The following ZNF536 variants were observed in gnomAD, a reference collection of about 807,000 sequenced individuals.
ZNF536 encodes zinc finger protein 536.
In ZNF536, 13 loss-of-function variants were observed where a neutral mutation model predicts 84.5. That is an observed-to-expected ratio of 0.15 (90% CI 0.10 to 0.24). The LOEUF is 0.24. Ranked by LOEUF, ZNF536 falls within the 10% of genes least tolerant of loss-of-function variation. ZNF536 has a pLI of 1.00. For synonymous variants in ZNF536, 811 were observed against 742.5 expected (o/e 1.09, Z -1.50); for missense variants, 1,536 against 1,747.5 (o/e 0.88, Z 2.16).
Position 30,466,584 on chromosome 19 carries a change from A to AAGAAAGAGAGAG in ZNF536, c.2170+20855_2170+20856insAAGAGAGAGAGA, listed in dbSNP as rs1555775076. Reference sequence around the variant, plus strand: ...TTAGAAAGAAAGAAAGAAAGAAAGAAAGAGAGAGAGAGAGAGAGAAAGAAA... The same window carrying AAGAAAGAGAGAG: ...TTAGAAAGAAAGAAAGAAAGAAAGAAAGAAAGAGAGAGAGAGAGAGAGAGAGAGAGAAAGAAA... On this transcript the variant is annotated intron_variant, in intron 2 of 4. Coordinates refer to ENST00000355537, the MANE Select transcript of ZNF536 (RefSeq NM_014717.3). Among the ~76,000 whole-genome samples, 73 of 144,456 alleles carry AAGAAAGAGAGAG rather than the reference A, an allele frequency of 5.1e-4. 1 individual carries two copies. Among genetic ancestry groups the AAGAAAGAGAGAG allele is most frequent in the South Asian group, 3.9e-3 (17 of 4,400 alleles). 94.8% of individuals were successfully genotyped at this position (144,456 alleles called of 152,430 possible).
At chr19:30,594,472 C>T (rs142001546) in intron 1 of ZNF536, among the ~76,000 whole-genome samples, 41 of 152,302 alleles carry the variant, frequency 2.7e-4, no homozygotes, top group Admixed American at 4.6e-4. Flanking sequence ...ACCTGCCTGC[C>T]GCCTTTCTCC....
At chr19:30,576,582 T>C (rs1402545310) in intron 1 of ZNF536, among the ~76,000 whole-genome samples, 1 of 152,234 alleles carries the variant, frequency 6.6e-6, no homozygotes, top group Non-Finnish European at 1.5e-5. Flanking sequence ...CGCTCATGTC[T>C]GATACTGTGG....
At chr19:30,474,333 G>C (rs62103388) in intron 2 of ZNF536, among the ~76,000 whole-genome samples, 23,863 of 150,448 alleles carry the variant, frequency 0.16, 1,943 homozygotes, top group South Asian at 0.21. Context: ...CTCTCTCTCT[G>C]TGTGTGTGTG....
chr19:30,503,305 G>GA (rs1457949565), intron 2 of ZNF536, among the ~76,000 whole-genome samples: 1 of 152,046 alleles, frequency 6.6e-6, no homozygotes, highest in Non-Finnish European at 1.5e-5. Flanking sequence ...AAATCAATAA[G>GA]AAAAAGACAA....
Position 30,710,978 on chromosome 19 carries a change from A to T in ZNF536, c.391A>T (p.Lys131Ter), listed in dbSNP as rs2052436874. Residue 131 changes from lysine (K) to a stop codon, truncating the protein, a stop_gained, in exon 2 of 2, where the codon AAG (lysine) becomes TAG (stop). Transcript: ENST00000592773. LOFTEE classifies it high-confidence loss of function. ...TGCAGACCTCACGGAAGAGGGCGGC[A>T]AGGGCCAGGAGGAGACCAACTGAGC... 1 of 152,284 alleles carries T rather than the reference A, an allele frequency of 6.6e-6. No homozygotes were observed. Among genetic ancestry groups the T allele is most frequent in the Non-Finnish European group, 1.5e-5 (1 of 68,088 alleles). 9.4% of individuals were successfully genotyped at this position (152,284 alleles called of 1,614,324 possible). A position where few individuals can be genotyped will look rare whatever the true frequency, so the allele number is the denominator to read the frequency against.
chr19:30,711,597 A>C (rs1217272736), exon 2 of ZNF536: 1 of 152,222 alleles, frequency 6.6e-6, no homozygotes, highest in Non-Finnish European at 1.5e-5. Flanking sequence ...GCCGGGGCTG[A>C]CCGGCACTGC....
intron 1 of ZNF536, among the ~76,000 whole-genome samples, chr19:30,407,850 C>T (rs913060619): frequency 2.0e-5 from 3 of 152,180 alleles, no homozygotes; most frequent in South Asian, 4.1e-4. Flanking sequence ...AATCCAGTCC[C>T]GTGGGTGGAA....
intron 1 of ZNF536, among the ~76,000 whole-genome samples, chr19:30,681,295 G>A (rs748985331): frequency 6.6e-5 from 10 of 152,140 alleles, no homozygotes; most frequent in Non-Finnish European, 1.5e-4. Flanking sequence ...AGACCTGAGC[G>A]CCAGGCCTGT....
chr19:30,292,069 C>T (rs1032230581), intron 2 of ZNF536, among the ~76,000 whole-genome samples: 3 of 152,142 alleles, frequency 2.0e-5, no homozygotes, highest in African/African-American at 7.2e-5. Context: ...ATAGTTACCA[C>T]CTGGCACTTT....
At chr19:30,480,464 C>T (rs778911187) in intron 2 of ZNF536, among the ~76,000 whole-genome samples, 23 of 152,136 alleles carry the variant, frequency 1.5e-4, no homozygotes, top group East Asian at 3.9e-4. Flanking sequence ...AACCAAACAC[C>T]GGATGTTCTC....
chr19:30,601,571 C>T (rs2047686690), intron 1 of ZNF536, among the ~76,000 whole-genome samples: 2 of 152,170 alleles, frequency 1.3e-5, no homozygotes, highest in African/African-American at 4.8e-5. Flanking sequence ...CAGAAGGAAC[C>T]TATAGATGCC....
At chr19:30,507,302 G>C (rs146824703) in intron 2 of ZNF536, among the ~76,000 whole-genome samples, 203 of 151,902 alleles carry the variant, frequency 1.3e-3, no homozygotes, top group African/African-American at 4.7e-3. Context: ...AGTGAGCCGA[G>C]ATCCCACCAC....
intron 1 of ZNF536, among the ~76,000 whole-genome samples, chr19:30,619,205 T>A (rs2048399962): frequency 2.0e-5 from 3 of 152,234 alleles, no homozygotes; most frequent in Admixed American, 6.5e-5. Flanking sequence ...TTATCTTTTT[T>A]TTTCTGTCAT....
rs59889852 is a variant in ZNF536 at position 30,264,966 on chromosome 19, T to TGTGAGAGA, written c.-189-19105_-189-19104insTGAGAGAG. ...GTGTGTGTGTGTGTGTGTGTGTGTG[T>TGTGAGAGA]GAGAGAGAGAGAGAGAAAGAGAGAT... On this transcript the variant is annotated intron_variant, in intron 1 of 5. Coordinates refer to the ZNF536 transcript ENST00000585628. 4.0e-3 allele frequency among the ~76,000 whole-genome samples: 539 copies of TGTGAGAGA among 133,840 alleles called. 8 individuals are homozygous for TGTGAGAGA. Among genetic ancestry groups the TGTGAGAGA allele is most frequent in the African/African-American group, 0.011 (372 of 33,788 alleles). The allele number at this position is 133,840 out of a possible 152,430, so 87.8% of individuals were successfully genotyped here. A position where few individuals can be genotyped will look rare whatever the true frequency, so the allele number is the denominator to read the frequency against.
chr19:30,669,352 C>G (rs1382904307), intron 1 of ZNF536, among the ~76,000 whole-genome samples: 7 of 152,214 alleles, frequency 4.6e-5, no homozygotes, highest in African/African-American at 1.7e-4. Context: ...TTTGTGATGG[C>G]TGAGTCCTGT....
At chr19:30,285,944 G>A (rs188775882) in intron 2 of ZNF536, among the ~76,000 whole-genome samples, 92 of 152,298 alleles carry the variant, frequency 6.0e-4, no homozygotes, top group African/African-American at 2.0e-3. Context: ...TTGGCATGTC[G>A]GGGAATTCCT....
At chr19:30,634,698 A>G (rs1468124174) in intron 1 of ZNF536, among the ~76,000 whole-genome samples, 1 of 152,056 alleles carries the variant, frequency 6.6e-6, no homozygotes, top group African/African-American at 2.4e-5. Context: ...CACGCGTGTG[A>G]ATGAGGCCAG....
intron 1 of ZNF536, among the ~76,000 whole-genome samples, chr19:30,395,478 C>T (rs2147401944): frequency 6.6e-6 from 1 of 152,314 alleles, no homozygotes; most frequent in South Asian, 2.1e-4. Context: ...GTGCCTCCTG[C>T]AGGAAGATGA....
At chr19:30,269,543 G>A (rs2025705709) in intron 1 of ZNF536, among the ~76,000 whole-genome samples, 2 of 152,158 alleles carry the variant, frequency 1.3e-5, no homozygotes, top group African/African-American at 4.8e-5. Flanking sequence ...TTCATGGTTG[G>A]GGTTGCTTTT....
Sources: allele counts gnomAD v4.1 joint callset (sites outside exome capture counted in the v4.1 genomes callset), GRCh38; gene constraint gnomAD v4.1.1; transcripts MANE v1.5; gene names NCBI Gene and HGNC (gene_info 2026-07-23, HGNC 2026-07-21).